The following CCDC148 variants were observed in gnomAD, a reference collection of about 807,000 sequenced individuals.
The protein encoded by CCDC148 is coiled-coil domain containing 148, also known as coiled-coil domain-containing protein 148.
In CCDC148, 89 loss-of-function variants were observed where a neutral mutation model predicts 85.7. The observed-to-expected ratio is 1.04, with a 90% confidence interval of 0.87 to 1.24. The LOEUF is 1.24. CCDC148 is among the 50% of genes most tolerant of loss of function. CCDC148 has a pLI of 0.00. For synonymous variants in CCDC148, 230 were observed against 213.9 expected (o/e 1.08, Z -0.66); for missense variants, 692 against 671.7 (o/e 1.03, Z -0.33).
At chr2:158,351,115 T>C (rs1171912337) in intron 2 of CCDC148, among the ~76,000 whole-genome samples, 1 of 152,084 alleles carries the variant, frequency 6.6e-6, no homozygotes, top group Admixed American at 6.5e-5. Flanking sequence ...AACAGCATGG[T>C]TTTTATTGCA....
At chr2:158,353,081 A>G (rs1683410637) in intron 2 of CCDC148, among the ~76,000 whole-genome samples, 1 of 151,944 alleles carries the variant, frequency 6.6e-6, no homozygotes, top group Non-Finnish European at 1.5e-5. Flanking sequence ...AGGAAGCCCT[A>G]AACACGGAAA....
chr2:158,337,986 T>A (rs1206224988), intron 7 of CCDC148, among the ~76,000 whole-genome samples: 1 of 152,174 alleles, frequency 6.6e-6, no homozygotes, highest in Admixed American at 6.6e-5. Flanking sequence ...GTTATCTTTT[T>A]AAATATACAT....
chr2:158,441,631 T>C (rs1042553889), intron 1 of CCDC148, among the ~76,000 whole-genome samples: 3 of 152,198 alleles, frequency 2.0e-5, no homozygotes, highest in African/African-American at 7.2e-5. Flanking sequence ...CTCAGGAATT[T>C]TAATTCTTTC....
At chr2:158,218,678 G>A (rs1687015436) in intron 11 of CCDC148, among the ~76,000 whole-genome samples, 1 of 152,190 alleles carries the variant, frequency 6.6e-6, no homozygotes, top group African/African-American at 2.4e-5. Context: ...GCTTTAGACT[G>A]ATCAACCAGA....
At chr2:158,232,839 A>G (rs939306771) in intron 10 of CCDC148, among the ~76,000 whole-genome samples, 1 of 152,120 alleles carries the variant, frequency 6.6e-6, no homozygotes, top group African/African-American at 2.4e-5. Context: ...TAGAGAGTAG[A>G]ATGGTGGTTA....
At chr2:158,197,286 A>G (rs534973337) in intron 11 of CCDC148, among the ~76,000 whole-genome samples, 2 of 152,272 alleles carry the variant, frequency 1.3e-5, no homozygotes, top group South Asian at 4.1e-4. Context: ...CAACATTTTA[A>G]TCAATGATCC....
chr2:158,188,854 T>C (rs1246989529), intron 11 of CCDC148, among the ~76,000 whole-genome samples: 2 of 151,934 alleles, frequency 1.3e-5, no homozygotes, highest in Admixed American at 1.3e-4. Context: ...GACAAGGGAC[T>C]AATATCCAGA....
chr2:158,221,132 G>T (rs959104927), intron 10 of CCDC148, among the ~76,000 whole-genome samples: 8 of 152,144 alleles, frequency 5.3e-5, no homozygotes, highest in African/African-American at 1.9e-4. Context: ...TATTTTAAAA[G>T]CATTAGTTTA....
chr2:158,302,038 G>T lies in CCDC148; in HGVS notation c.1110+7395C>A, dbSNP rs945996152. ...AGGAAACACTACAAAGAATAAGAGA[G>T]ACAAAAATAAAGAAAGGCGATAACC... On this transcript the variant is annotated intron_variant, in intron 9 of 13. Coordinates refer to ENST00000283233, the MANE Select transcript of CCDC148 (RefSeq NM_138803.4). Among the ~76,000 whole-genome samples, 18 of 152,224 alleles carry T rather than the reference G, an allele frequency of 1.2e-4. 1 individual carries two copies. The South Asian group carries it at 3.7e-3, about 32-fold the overall frequency.
At chr2:158,265,027 T>G (rs1689395043) in intron 9 of CCDC148, among the ~76,000 whole-genome samples, 1 of 152,114 alleles carries the variant, frequency 6.6e-6, no homozygotes, top group African/African-American at 2.4e-5. Flanking sequence ...CTGCATATGT[T>G]TCTTAAAGGA....
intron 2 of CCDC148, among the ~76,000 whole-genome samples, chr2:158,351,731 A>G (rs962547456): frequency 3.9e-5 from 6 of 152,230 alleles, no homozygotes; most frequent in African/African-American, 1.2e-4. Context: ...ACCACAGCTC[A>G]AGGAGGCCTG....
intron 10 of CCDC148, among the ~76,000 whole-genome samples, chr2:158,221,943 T>C (rs940221794): frequency 2.0e-5 from 3 of 152,008 alleles, no homozygotes; most frequent in Non-Finnish European, 4.4e-5. Flanking sequence ...CAAGGAGTGT[T>C]CTAGAGTCCT....
intron 3 of CCDC148, among the ~76,000 whole-genome samples, chr2:158,341,422 T>C (rs1374660062): frequency 1.3e-5 from 2 of 151,918 alleles, no homozygotes; most frequent in African/African-American, 2.4e-5. Flanking sequence ...TCCTCGTGCC[T>C]AAGCCTCCCG....
In CCDC148 at chr2:158,232,448, G is replaced by A. The variant is rs562008612; in HGVS notation, c.1252-11735C>T. The stretch of plus-strand genomic sequence containing the variant: ...TAAACAGAACATTTATAATATTAGA[G>A]TATCTCAAAGTTTAACTTAAAAAAA... On this transcript the variant is annotated intron_variant, in intron 10 of 13. Transcript: ENST00000283233. 1.1e-4 allele frequency among the ~76,000 whole-genome samples: 16 copies of A among 151,736 alleles called. No homozygotes were observed. The South Asian group carries it at 3.3e-3, about 32-fold the overall frequency.
intron 9 of CCDC148, among the ~76,000 whole-genome samples, chr2:158,290,781 G>C (rs959558961): frequency 2.0e-4 from 31 of 152,114 alleles, no homozygotes; most frequent in African/African-American, 7.0e-4. Flanking sequence ...TCCACAATTT[G>C]ATTCCCTAAT....
At chr2:158,374,692 T>C (rs1485329880) in intron 1 of CCDC148, among the ~76,000 whole-genome samples, 1 of 151,920 alleles carries the variant, frequency 6.6e-6, no homozygotes, top group Non-Finnish European at 1.5e-5. Flanking sequence ...TATATATGTG[T>C]ATATATGTGT....
rs6755379 is a variant in CCDC148, at chr2:158,311,235, C to T, written c.904-1596G>A. On this transcript the variant is annotated intron_variant, in intron 8 of 13. Coordinates refer to ENST00000283233, the MANE Select transcript of CCDC148 (RefSeq NM_138803.4). The stretch of plus-strand genomic sequence containing the variant: ...CTGCAATCCCGGCACCTCGGGAGGC[C>T]GAGGTGGGCAGATCACTCGAGGTCA... Among the ~76,000 whole-genome samples the T allele has an allele frequency of 3.9e-5, 6 of 152,290 alleles. No individual in the cohort carries two copies. The East Asian group carries it at 7.7e-4, about 20-fold the overall frequency.
At chr2:158,285,934 T>G (rs1271832916) in intron 9 of CCDC148, among the ~76,000 whole-genome samples, 1 of 151,816 alleles carries the variant, frequency 6.6e-6, no homozygotes, top group Non-Finnish European at 1.5e-5. Context: ...GTAATGGAGG[T>G]TCTAACCAGT....
At chr2:158,276,012 G>A (rs1003467273) in intron 9 of CCDC148, among the ~76,000 whole-genome samples, 2 of 152,200 alleles carry the variant, frequency 1.3e-5, no homozygotes, top group African/African-American at 4.8e-5. Context: ...AGAGTAAATG[G>A]ATTTGGTTAA....
Sources: gnomAD v4.1 joint callset for allele counts (sites outside exome capture counted in the v4.1 genomes callset) on GRCh38, gnomAD v4.1.1 for gene constraint, MANE v1.5 for transcripts, NCBI Gene and HGNC (gene_info 2026-07-23, HGNC 2026-07-21) for gene names.